The following SMARCB1 variants were observed in gnomAD, a reference collection of about 807,000 sequenced individuals.
The protein encoded by SMARCB1 is SWI/SNF-related matrix-associated actin-dependent regulator of chromatin subfamily B member 1.
SMARCB1 carries 5 observed loss-of-function variants against 49.0 expected under a neutral mutation model. That is an observed-to-expected ratio of 0.10 (90% CI 0.05 to 0.21). SMARCB1 has a LOEUF of 0.21. SMARCB1 is among the 10% of genes least tolerant of loss of function. The probability of loss-of-function intolerance (pLI) is 1.00; values close to 1 mark genes in which losing one functional copy is unlikely to be tolerated. For synonymous variants in SMARCB1, 201 were observed against 200.1 expected, an observed-to-expected ratio of 1.00 and a Z score of -0.04; for missense variants, 226 against 509.2, an observed-to-expected ratio of 0.44 and a Z score of 5.35.
intron 8 of SMARCB1, 104 bp from the exon 9 acceptor site, chr22:23,834,035 CCT>C: frequency 8.1e-7 from 1 of 1,240,102 alleles, no homozygotes; most frequent in Non-Finnish European, 1.1e-6. Context: ...CCACATCCTG[CCT>C]CTGTTCCCAC....
At chr22:23,800,183 T>C (rs557183179) in intron 3 of SMARCB1, among the ~76,000 whole-genome samples, 3 of 152,352 alleles carry the variant, frequency 2.0e-5, no homozygotes, top group South Asian at 4.1e-4. Flanking sequence ...TCCAAAGTGC[T>C]GGAGCTACAG....
intron 5 of SMARCB1, among the ~76,000 whole-genome samples, chr22:23,806,946 CAGGATTTT>C (rs1929534596): frequency 7.1e-6 from 1 of 140,554 alleles, no homozygotes; most frequent in Admixed American, 7.0e-5. Flanking sequence ...AAAAAGGAAT[CAGGATTTT>C]TCTCAGGTTT....
At chr22:23,792,546 A>C (rs1928454531) in intron 2 of SMARCB1, 4 of 173,284 alleles carry the variant, frequency 2.3e-5, no homozygotes, top group Admixed American at 2.2e-4. Context: ...GTCCTTGGGC[A>C]GGTGGCAAAA....
At chr22:23,816,046 TTGA>T (rs1930177605) in intron 5 of SMARCB1, 1 of 153,206 alleles carries the variant, frequency 6.5e-6, no homozygotes, top group African/African-American at 2.4e-5. Flanking sequence ...GACCTGCTTC[TTGA>T]TGATGGAATC....
At chr22:23,791,061 C>A (rs35805296) in intron 1 of SMARCB1, among the ~76,000 whole-genome samples, 1,958 of 152,234 alleles carry the variant, frequency 0.013, 52 homozygotes, top group African/African-American at 0.044. Flanking sequence ...TATTGGCCAT[C>A]CCCTGCAATG....
intron 2 of SMARCB1, chr22:23,792,190 C>T (rs1928423105): frequency 9.6e-6 from 4 of 414,866 alleles, no homozygotes; most frequent in Admixed American, 3.5e-5. Context: ...AGGAATGCTG[C>T]GATGCTCTGC....
chr22:23,822,763 A>G (rs550932667), intron 6 of SMARCB1, among the ~76,000 whole-genome samples: 1 of 151,810 alleles, frequency 6.6e-6, no homozygotes, highest in Non-Finnish European at 1.5e-5. Context: ...AGGGAGCCAC[A>G]TTCCTGCTCC....
intron 3 of SMARCB1, among the ~76,000 whole-genome samples, chr22:23,796,411 A>G (rs1272212599): frequency 6.6e-6 from 1 of 152,214 alleles, no homozygotes; most frequent in Non-Finnish European, 1.5e-5. Context: ...TGAGACGTGC[A>G]GAATACAAGA....
chr22:23,837,457 T>TC lies in SMARCB1; in HGVS notation c.*3279dup. ...TCAGGACCGTGCAAGCATCAGTAGA[T>TC]CCGTCCTGACGATGCAAATTATGTG... On this transcript the variant is annotated 3_prime_UTR_variant, in exon 9 of 9. Coordinates refer to ENST00000644036, the MANE Select transcript of SMARCB1 (RefSeq NM_003073.5). 1 of 663,088 alleles carries TC rather than the reference T, an allele frequency of 1.5e-6. No homozygotes were observed. The highest frequency in any genetic ancestry group is 4.2e-4 in the Middle Eastern group (1 of 2,400). 41.1% of individuals were successfully genotyped at this position (663,088 alleles called of 1,614,324 possible). A position where few individuals can be genotyped will look rare whatever the true frequency, so the allele number is the denominator to read the frequency against.
At position 23,812,459 on chromosome 22, in the gene SMARCB1, G is replaced by A. The variant is rs546397746; in HGVS notation, c.629-4311G>A. 9.9e-5 allele frequency among the ~76,000 whole-genome samples: 15 copies of A among 152,124 alleles called. No homozygotes were observed. In the South Asian group the frequency reaches 1.0e-3, roughly 11 times the overall value. Reference sequence around the variant, plus strand: ...CTTCCAGAAAATGGAAGAGGAGAACGCACTTCCTGATCAATTTTATAAAGC... The same window carrying A: ...CTTCCAGAAAATGGAAGAGGAGAACACACTTCCTGATCAATTTTATAAAGC... On this transcript the variant is annotated intron_variant, in intron 5 of 8. Coordinates refer to ENST00000644036, the MANE Select transcript of SMARCB1 (RefSeq NM_003073.5).
intron 5 of SMARCB1, among the ~76,000 whole-genome samples, chr22:23,806,088 TGCTGG>T (rs1360994983): frequency 6.6e-6 from 1 of 152,186 alleles, no homozygotes; most frequent in Admixed American, 6.6e-5. Flanking sequence ...TGGTGAACAT[TGCTGG>T]GAGTTGGGCG....
intron 7 of SMARCB1, among the ~76,000 whole-genome samples, chr22:23,828,121 C>T (rs1028022516): frequency 2.6e-5 from 4 of 152,108 alleles, no homozygotes; most frequent in African/African-American, 7.2e-5. Flanking sequence ...GGCGTGATCT[C>T]GGCTCACTGC....
chr22:23,820,823 G>A (rs1568955035), intron 6 of SMARCB1, among the ~76,000 whole-genome samples: 2 of 152,154 alleles, frequency 1.3e-5, no homozygotes, highest in South Asian at 4.1e-4. Flanking sequence ...CGGTCTGCTG[G>A]CTCTGGAGGG....
At position 23,801,123 on chromosome 22, in the gene SMARCB1, CCTTAGTTCTCCAG is replaced by C. The variant is rs761615829; in HGVS notation, c.500+44_500+56del. Reference sequence around the variant, plus strand: ...GCACTCACCCTCCGTGCTGATTCCGCCTTAGTTCTCCAGCACGTTTCAGTTCCTTCCTCCCCAG... The same window carrying C: ...GCACTCACCCTCCGTGCTGATTCCGCCACGTTTCAGTTCCTTCCTCCCCAG... On this transcript the variant is annotated intron_variant, in intron 4 of 8. Coordinates refer to ENST00000644036, the MANE Select transcript of SMARCB1 (RefSeq NM_003073.5). 14 of 1,614,042 alleles carry C rather than the reference CCTTAGTTCTCCAG, an allele frequency of 8.7e-6. No homozygotes were observed. The African/African-American group carries it at 1.7e-4, about 20-fold the overall frequency.
intron 5 of SMARCB1, among the ~76,000 whole-genome samples, chr22:23,807,374 G>A (rs1013063581): frequency 6.6e-5 from 10 of 152,032 alleles, no homozygotes; most frequent in Admixed American, 2.0e-4. Flanking sequence ...ACTTTACCCC[G>A]GGAGTTCAAG....
At position 23,834,652 on chromosome 22, in the gene SMARCB1, CCA is replaced by C; in HGVS notation, c.*473_*474del. The C allele has an allele frequency of 1.1e-6, 1 of 936,866 alleles. No individual in the cohort carries two copies. Among genetic ancestry groups the C allele is most frequent in the Non-Finnish European group, 1.6e-6 (1 of 625,168 alleles). The allele number at this position is 936,866 out of a possible 1,614,324, so 58.0% of individuals were successfully genotyped here. A position where few individuals can be genotyped will look rare whatever the true frequency, so the allele number is the denominator to read the frequency against. On this transcript the variant is annotated 3_prime_UTR_variant, in exon 9 of 9. Coordinates refer to ENST00000644036, the MANE Select transcript of SMARCB1 (RefSeq NM_003073.5). ...CCTCACCCTCCTCTGCCTCAGATTC[CCA>C]AGTGGGCAGGTGGGGGTGAATGGGG...
chr22:23,813,130 G>T (rs1929981240), intron 5 of SMARCB1, among the ~76,000 whole-genome samples: 1 of 152,194 alleles, frequency 6.6e-6, no homozygotes, highest in Non-Finnish European at 1.5e-5. Flanking sequence ...CTCCCAAAGT[G>T]CTGGGATTAC....
chr22:23,792,006 C>T lies in SMARCB1; in HGVS notation c.232+112C>T, dbSNP rs528889555. 138 of 1,242,884 alleles carry T rather than the reference C, an allele frequency of 1.1e-4. No individual in the cohort carries two copies. In the African/African-American group the frequency reaches 1.6e-3, roughly 14 times the overall value. 77.0% of individuals were successfully genotyped at this position (1,242,884 alleles called of 1,614,324 possible). A position where few individuals can be genotyped will look rare whatever the true frequency, so the allele number is the denominator to read the frequency against. ...CACTGCAGCCTTGGCCTTAGTCGGG[C>T]AGGGAGCATCCCGGGGTGGGCCGCC... is the stretch of plus-strand genomic sequence containing the variant. On this transcript the variant is annotated intron_variant, in intron 2 of 8. Coordinates refer to ENST00000644036, the MANE Select transcript of SMARCB1 (RefSeq NM_003073.5).
At position 23,816,924 on chromosome 22, in the gene SMARCB1, C is replaced by A. The variant is rs748964274; in HGVS notation, c.783C>A (p.Arg261=). The A allele has an allele frequency of 4.3e-6, 7 of 1,613,822 alleles. No individual in the cohort carries two copies. In the African/African-American group the frequency reaches 9.3e-5, roughly 22 times the overall value. The part of the protein sequence containing the change: ...DSILEDQSDQ[R]VIIKLNIHVG... ...TCCTGGAGGACCAGTCAGACCAGCG[C>A]GTCATCATCAAGGTAGGTGACTTCT... The change falls in exon 6 of 9, where the codon CGC becomes CGA. Residue 261 remains arginine (R), a synonymous_variant. Coordinates refer to ENST00000644036, the MANE Select transcript of SMARCB1 (RefSeq NM_003073.5).
Sources: gnomAD v4.1 joint callset for allele counts (sites outside exome capture counted in the v4.1 genomes callset) on GRCh38, gnomAD v4.1.1 for gene constraint, MANE v1.5 for transcripts, NCBI Gene and HGNC (gene_info 2026-07-23, HGNC 2026-07-21) for gene names.